PRKN: variants seen among roughly 807,000 people sequenced by gnomAD.
PRKN encodes parkin RBR E3 ubiquitin protein ligase.
PRKN carries 56 observed loss-of-function variants against 59.5 expected under a neutral mutation model. The ratio of observed to expected loss-of-function variants is 0.94; its 90% confidence interval spans 0.76 to 1.18. The LOEUF (loss-of-function observed/expected upper bound fraction) is 1.18, where lower values mean the gene tolerates loss of function less well. Ranked by LOEUF, PRKN falls within the 50% of genes most tolerant of loss-of-function variation. The pLI is 0.00. For missense variants in PRKN, 657 were observed against 596.4 expected, an observed-to-expected ratio of 1.10 and a Z score of -1.06; for synonymous variants, 250 against 222.1, an observed-to-expected ratio of 1.13 and a Z score of -1.12.
rs939189002 is a variant in PRKN, at chr6:161,399,685, C to T, written c.1084-12808G>A. ...ATGGAGTTTGCTGGAAATGATAGCC[C>T]CCAGAAAGTACCAATCCCAGTGCTA... is the stretch of plus-strand genomic sequence containing the variant. On this transcript the variant is annotated intron_variant, in intron 9 of 11. Transcript: ENST00000366898. The surrounding 1 kb of genome is among the most constrained non-coding windows in gnomAD (Gnocchi z 4.4). Among the ~76,000 whole-genome samples the T allele has an allele frequency of 6.6e-5, 10 of 151,938 alleles. No homozygotes were observed. The highest frequency in any genetic ancestry group is 2.1e-4 in the South Asian group (1 of 4,800).
chr6:161,850,940 A>G (rs1793408223), intron 6 of PRKN, among the ~76,000 whole-genome samples: 1 of 152,184 alleles, frequency 6.6e-6, no homozygotes. Context: ...GTTAAAGGTA[A>G]CTGAGTTTAT....
intron 9 of PRKN, among the ~76,000 whole-genome samples, chr6:161,528,095 T>C (rs568167539): frequency 1.3e-5 from 2 of 151,630 alleles, no homozygotes; most frequent in East Asian, 3.9e-4. Flanking sequence ...TTTCCATAGA[T>C]ATAATATATG....
At chr6:162,642,683 ATATAG>A (rs1339825847) in intron 1 of PRKN, among the ~76,000 whole-genome samples, 2 of 151,830 alleles carry the variant, frequency 1.3e-5, no homozygotes, top group African/African-American at 4.8e-5. Flanking sequence ...GAAGAATATA[ATATAG>A]TATATTATAC....
At chr6:162,007,113 AAC>A (rs544260689) in intron 5 of PRKN, among the ~76,000 whole-genome samples, 30 of 152,194 alleles carry the variant, frequency 2.0e-4, no homozygotes, top group Admixed American at 3.3e-4. Context: ...CATTTAAAAA[AAC>A]AGTTTTAATT....
chr6:161,595,593 C>T (rs1475635840), intron 7 of PRKN, among the ~76,000 whole-genome samples: 1 of 151,906 alleles, frequency 6.6e-6, no homozygotes. Flanking sequence ...GGACTCTTCA[C>T]GAAGGCCAAG....
At chr6:161,737,183 G>A (rs1389176050) in intron 7 of PRKN, among the ~76,000 whole-genome samples, 2 of 152,210 alleles carry the variant, frequency 1.3e-5, no homozygotes, top group Non-Finnish European at 2.9e-5. Flanking sequence ...GGCTGACGGC[G>A]AGGTCCAGGC....
chr6:161,940,427 T>C (rs991242356), intron 6 of PRKN, among the ~76,000 whole-genome samples: 2 of 152,158 alleles, frequency 1.3e-5, no homozygotes, highest in African/African-American at 4.8e-5. Context: ...CTGCTCAATG[T>C]TGATATAATG....
intron 1 of PRKN, among the ~76,000 whole-genome samples, chr6:162,653,302 G>T (rs1032095300): frequency 1.5e-5 from 2 of 135,342 alleles, no homozygotes; most frequent in African/African-American, 2.9e-5. Context: ...GATTAATTCA[G>T]AATGGGAGTT....
intron 3 of PRKN, among the ~76,000 whole-genome samples, chr6:162,239,259 G>A (rs972255574): frequency 6.6e-6 from 1 of 151,958 alleles, no homozygotes; most frequent in Non-Finnish European, 1.5e-5. Flanking sequence ...TTGCAGGTTG[G>A]CCGACTCATC....
chr6:162,331,506 A>G (rs980650821), intron 2 of PRKN, among the ~76,000 whole-genome samples: 3 of 152,142 alleles, frequency 2.0e-5, no homozygotes, highest in Non-Finnish European at 4.4e-5. Context: ...ACATTTTTAC[A>G]GCTTCCCATC....
chr6:161,411,061 C>T (rs1369873740), intron 9 of PRKN, among the ~76,000 whole-genome samples: 1 of 152,064 alleles, frequency 6.6e-6, no homozygotes, highest in Non-Finnish European at 1.5e-5. Context: ...GTGATATAAA[C>T]CAGTGCAGGG....
intron 1 of PRKN, among the ~76,000 whole-genome samples, chr6:162,485,752 T>C (rs1015140944): frequency 1.3e-5 from 2 of 152,108 alleles, no homozygotes; most frequent in Admixed American, 6.5e-5. Flanking sequence ...ACCTGTTCAA[T>C]CTCAGTTAGT....
At position 161,419,884 on chromosome 6, in the gene PRKN, C is replaced by T. The variant is rs954718620; in HGVS notation, c.1084-33007G>A. The stretch of plus-strand genomic sequence containing the variant: ...TACTTGTGGGATTGCTGTAGAGATT[C>T]AAATACCGTGTTTAAGAAAGTTCCT... On this transcript the variant is annotated intron_variant, in intron 9 of 11. Transcript: ENST00000366898. The surrounding 1 kb of genome is among the most constrained non-coding windows in gnomAD (Gnocchi z 4.1). 2.6e-4 allele frequency among the ~76,000 whole-genome samples: 40 copies of T among 151,946 alleles called. No homozygotes were observed. The highest frequency in any genetic ancestry group is 8.9e-4 in the African/African-American group (37 of 41,344).
chr6:162,483,088 T>C (rs1316162763), intron 1 of PRKN, among the ~76,000 whole-genome samples: 1 of 152,188 alleles, frequency 6.6e-6, no homozygotes, highest in African/African-American at 2.4e-5. Flanking sequence ...TCCATAAATA[T>C]ATGCTACTCA....
At chr6:161,783,788 T>A (rs1427389660) in intron 7 of PRKN, 1 of 427,258 alleles carries the variant, frequency 2.3e-6, no homozygotes, top group Non-Finnish European at 4.5e-6. Context: ...AAAGGCACAA[T>A]AACTTTCAAC....
In PRKN at chr6:162,216,300, G is replaced by T. The variant is rs375148642; in HGVS notation, c.413-15048C>A. Among the ~76,000 whole-genome samples the T allele has an allele frequency of 1.6e-3, 246 of 152,076 alleles. 2 individuals are homozygous for T. The highest frequency in any genetic ancestry group is 5.6e-3 in the African/African-American group (233 of 41,504). On this transcript the variant is annotated intron_variant, in intron 3 of 11. Transcript: ENST00000366898. ...AATCCCAGCACTTTGGGAGGCCGAG[G>T]CGGGTGGATCATGAGGTCAGGAGAT...
intron 2 of PRKN, among the ~76,000 whole-genome samples, chr6:162,322,308 T>G (rs532495056): frequency 6.6e-6 from 1 of 152,124 alleles, no homozygotes; most frequent in South Asian, 2.1e-4. Flanking sequence ...AAGAAAGACC[T>G]AAATAAATGG....
intron 7 of PRKN, among the ~76,000 whole-genome samples, chr6:161,743,920 C>T (rs936070387): frequency 2.0e-5 from 3 of 152,098 alleles, no homozygotes; most frequent in Non-Finnish European, 2.9e-5. Context: ...TTCAGGGCTG[C>T]GTCTTTGCTA....
chr6:162,617,861 A>G (rs185959807), intron 1 of PRKN, among the ~76,000 whole-genome samples: 55 of 152,260 alleles, frequency 3.6e-4, no homozygotes, highest in African/African-American at 1.2e-3. Context: ...TTTATTGAGC[A>G]CTTACTATAT....
Sources: gnomAD v4.1 joint callset for allele counts (sites outside exome capture counted in the v4.1 genomes callset) on GRCh38, gnomAD v4.1.1 for gene constraint, Gnocchi (gnomAD v3.1) non-coding constraint, MANE v1.5 for transcripts, NCBI Gene and HGNC (gene_info 2026-07-23, HGNC 2026-07-21) for gene names.